DET1: variants seen among roughly 807,000 people sequenced by gnomAD.
The protein encoded by DET1 is DET1 partner of COP1 E3 ubiquitin ligase.
DET1 carries 22 observed loss-of-function variants against 43.7 expected under a neutral mutation model. The ratio of observed to expected loss-of-function variants is 0.50; its 90% CI spans 0.36 to 0.72. DET1 has a LOEUF of 0.72. Among genes scored for constraint, DET1 ranks in the 30% least tolerant of loss-of-function variants. The pLI, the probability that DET1 is intolerant of heterozygous loss-of-function variation, is 0.00. For synonymous variants in DET1, 315 were observed against 266.2 expected, an observed-to-expected ratio of 1.18 and a Z score of -1.79; for missense variants, 713 against 713.3, an observed-to-expected ratio of 1.00 and a Z score of 0.00.
chr15:88,512,712 G>A lies in DET1; in HGVS notation c.*239C>T. The A allele has an allele frequency of 1.6e-6, 2 of 1,244,424 alleles. No homozygotes were observed. The highest frequency in any genetic ancestry group is 3.1e-4 in the Middle Eastern group (1 of 3,224). The allele number at this position is 1,244,424 out of a possible 1,614,324, so 77.1% of individuals were successfully genotyped here. ...AATGAAATGGACTTAATTAATGCTG[G>A]GCATTCCCACAGGGAAAACGCAAGA... On this transcript the variant is annotated 3_prime_UTR_variant, in exon 5 of 5. Coordinates refer to ENST00000268148, the MANE Select transcript of DET1 (RefSeq NM_001144074.3).
intron 1 of DET1, among the ~76,000 whole-genome samples, chr15:88,536,788 A>T (rs2142326614): frequency 6.6e-6 from 1 of 151,184 alleles, no homozygotes; most frequent in East Asian, 1.9e-4. Flanking sequence ...AAAAAAAAAA[A>T]AGGAACAAAC....
chr15:88,518,846 T>C (rs916424269), intron 3 of DET1, among the ~76,000 whole-genome samples: 4 of 152,200 alleles, frequency 2.6e-5, no homozygotes, highest in African/African-American at 4.8e-5. Context: ...TGGTATTAGA[T>C]GGACATGAAC....
chr15:88,516,852 G>C lies in DET1; in HGVS notation c.1393C>G (p.Leu465Val), dbSNP rs2056357506. Residue 465 changes from leucine (L) to valine (V), a missense_variant, in exon 4 of 5, where the codon CTC (leucine) becomes GTC (valine). Coordinates refer to ENST00000268148, the MANE Select transcript of DET1 (RefSeq NM_001144074.3). The surrounding 1 kb of genome is among the most constrained non-coding windows in gnomAD (Gnocchi z 4.4). ...YSGSPYLDLS[L>V]FSYDDKWVSV... ...ACCCACTTGTCATCATAACTGAAGA[G>C]AGACAAATCCAGATAGGGGCTACCG... 1 of 1,610,792 alleles carries C rather than the reference G, an allele frequency of 6.2e-7. No individual in the cohort carries two copies. The highest frequency in any genetic ancestry group is 8.5e-7 in the Non-Finnish European group (1 of 1,178,712).
Position 88,516,708 on chromosome 15 carries a change from C to CCAGAAAAAGAGAAAAAGAAAG in DET1, c.1463+53_1463+73dup. ...AGTCACAGTCACAATCAAATGATGT[C>CCAGAAAAAGAGAAAAAGAAAG]CAGAAAAAGAGAAAAAGAAAGCAGG... On this transcript the variant is annotated intron_variant, in intron 4 of 4. Transcript: ENST00000268148. The surrounding 1 kb of genome is among the most constrained non-coding windows in gnomAD (Gnocchi z 4.4). 7.8e-7 allele frequency: 1 copy of CCAGAAAAAGAGAAAAAGAAAG among 1,280,042 alleles called. No individual in the cohort carries two copies. Among genetic ancestry groups the CCAGAAAAAGAGAAAAAGAAAG allele is most frequent in the Non-Finnish European group, 1.0e-6 (1 of 965,832 alleles). The allele number at this position is 1,280,042 out of a possible 1,614,324, so 79.3% of individuals were successfully genotyped here. A position where few individuals can be genotyped will look rare whatever the true frequency, so the allele number is the denominator to read the frequency against.
intron 1 of DET1, among the ~76,000 whole-genome samples, chr15:88,536,770 C>CGAAAAAA (rs2056962609): frequency 2.1e-5 from 1 of 48,080 alleles, no homozygotes; most frequent in Non-Finnish European, 3.9e-5. Flanking sequence ...GACTCCATCT[C>CGAAAAAA]AAAAAAAAAA....
At chr15:88,502,988 G>A (rs1598305814) in intron 8 of DET1, 1 of 152,264 alleles carries the variant, frequency 6.6e-6, no homozygotes, top group Non-Finnish European at 1.5e-5. Flanking sequence ...GAAGGAGAAA[G>A]AGGCCAGGGT....
chr15:88,532,945 T>C (rs1022731489), intron 1 of DET1, among the ~76,000 whole-genome samples: 7 of 152,116 alleles, frequency 4.6e-5, no homozygotes, highest in Non-Finnish European at 7.4e-5. Context: ...CAAATGGGAA[T>C]ACATCAAACT....
intron 3 of DET1, among the ~76,000 whole-genome samples, chr15:88,523,458 C>T (rs1454021250): frequency 6.6e-6 from 1 of 152,168 alleles, no homozygotes; most frequent in African/African-American, 2.4e-5. Flanking sequence ...TCTCCCTCTT[C>T]TCCCCTTTAC....
At chr15:88,525,545 C>G (rs1041075964) in intron 3 of DET1, among the ~76,000 whole-genome samples, 1 of 152,230 alleles carries the variant, frequency 6.6e-6, no homozygotes, top group Non-Finnish European at 1.5e-5. Context: ...AGGGCAGACA[C>G]TGGCCTTGGT....
chr15:88,523,427 C>G (rs2056558672), intron 3 of DET1, among the ~76,000 whole-genome samples: 1 of 152,134 alleles, frequency 6.6e-6, no homozygotes, highest in Admixed American at 6.5e-5. Context: ...TCACTCTTGT[C>G]TCCCCTTTCC....
At chr15:88,511,441 A>G (rs2056200263), downstream of DET1, 1 of 985,308 alleles carries the variant, frequency 1.0e-6, no homozygotes, top group Non-Finnish European at 1.2e-6. Flanking sequence ...CCATTTTCAT[A>G]CTTCCATGCC....
At chr15:88,512,182 G>A (rs1057113142), downstream of DET1, among the ~76,000 whole-genome samples, 1 of 152,204 alleles carries the variant, frequency 6.6e-6, no homozygotes, top group Non-Finnish European at 1.5e-5. Context: ...TGGCCAAGGA[G>A]AGCTGCTCAC....
At chr15:88,538,364 C>A (rs963007199) in intron 1 of DET1, among the ~76,000 whole-genome samples, 1 of 151,316 alleles carries the variant, frequency 6.6e-6, no homozygotes, top group African/African-American at 2.4e-5. Context: ...CAAAGCCCCA[C>A]GTCTATCACC....
At position 88,531,962 on chromosome 15, in the gene DET1, G is replaced by A; in HGVS notation, c.-10-247C>T. The A allele has an allele frequency of 2.2e-6, 1 of 450,458 alleles. No individual in the cohort carries two copies. 27.9% of individuals were successfully genotyped at this position (450,458 alleles called of 1,614,324 possible). On this transcript the variant is annotated intron_variant, in intron 1 of 4. Coordinates refer to ENST00000268148, the MANE Select transcript of DET1 (RefSeq NM_001144074.3). This position sits in a 1 kb window ranked among gnomAD's most constrained non-coding sequence, Gnocchi z 6.2. ...ACCTTCCAAGTATGCTCAGCTGTTG[G>A]GAAAGTTCAACAGAAAAAAACCTAC...
intron 3 of DET1, among the ~76,000 whole-genome samples, chr15:88,520,397 G>A (rs1322044405): frequency 6.6e-6 from 1 of 152,076 alleles, no homozygotes; most frequent in African/African-American, 2.4e-5. Context: ...TCTTGTCAAG[G>A]TCACCAATGA....
At chr15:88,544,383 T>G (rs1159109125) in intron 1 of DET1, among the ~76,000 whole-genome samples, 1 of 152,214 alleles carries the variant, frequency 6.6e-6, no homozygotes, top group Non-Finnish European at 1.5e-5. Flanking sequence ...AAATCATGTA[T>G]GGGAGGGCGC....
chr15:88,542,935 C>T lies in DET1; in HGVS notation c.-11+3605G>A, dbSNP rs112708982. Among the ~76,000 whole-genome samples, 35 of 152,318 alleles carry T rather than the reference C, an allele frequency of 2.3e-4. 1 individual carries two copies. The highest frequency in any genetic ancestry group is 8.2e-4 in the African/African-American group (34 of 41,564). ...AAACAAAAAGTTCTCACCCTGCCTG[C>T]AACAGAAGAGCCTGAATGACAGGGC... On this transcript the variant is annotated intron_variant, in intron 1 of 4. Transcript: ENST00000268148.
chr15:88,513,787 T>C (rs1025953067), intron 4 of DET1, among the ~76,000 whole-genome samples: 1 of 141,122 alleles, frequency 7.1e-6, no homozygotes. Context: ...TATTTAAGAA[T>C]AAATTCTTTT....
intron 1 of DET1, among the ~76,000 whole-genome samples, chr15:88,539,341 G>T (rs1214828150): frequency 2.0e-5 from 3 of 151,390 alleles, no homozygotes; most frequent in Non-Finnish European, 4.4e-5. Context: ...CAAGCCGGGG[G>T]TTTATACCGG....
Sources: gnomAD v4.1 joint callset for allele counts (sites outside exome capture counted in the v4.1 genomes callset) on GRCh38, gnomAD v4.1.1 for gene constraint, Gnocchi (gnomAD v3.1) non-coding constraint, MANE v1.5 for transcripts, NCBI Gene and HGNC (gene_info 2026-07-23, HGNC 2026-07-21) for gene names.